Variants in PBK observed in about 807,000 individuals in gnomAD.
PBK encodes PDZ binding kinase, also known as lymphokine-activated killer T-cell-originated protein kinase.
A neutral mutation model predicts 33.5 loss-of-function variants in PBK; 22 were observed. The observed-to-expected ratio is 0.66, with a 90% CI of 0.47 to 0.94. PBK has a LOEUF of 0.94. PBK is among the 40% of genes least tolerant of loss of function. PBK has a pLI of 0.00. For synonymous variants in PBK, 129 were observed against 123.8 expected (o/e 1.04, Z -0.28); for missense variants, 376 against 383.4 (o/e 0.98, Z 0.16).
intron 1 of PBK, among the ~76,000 whole-genome samples, chr8:27,836,582 GAA>G (rs1806231713): frequency 6.6e-6 from 1 of 151,988 alleles, no homozygotes; most frequent in South Asian, 2.1e-4. Flanking sequence ...CCAAGCATGA[GAA>G]ATGAAAAACA....
At chr8:27,831,541 T>A (rs59878993) in intron 2 of PBK, among the ~76,000 whole-genome samples, 1 of 151,740 alleles carries the variant, frequency 6.6e-6, no homozygotes, top group East Asian at 1.9e-4. Flanking sequence ...TCATTGACAT[T>A]TGTAGAACAT....
At chr8:27,828,038 CTTT>C (rs1434871952) in intron 3 of PBK, 64 bp downstream of exon 3, 1 of 781,142 alleles carries the variant, frequency 1.3e-6, no homozygotes, top group Non-Finnish European at 2.2e-6. Context: ...CAGACTACTT[CTTT>C]GTCTCCAAGT....
chr8:27,816,560 TAG>T (rs1322243700), intron 6 of PBK, among the ~76,000 whole-genome samples: 1 of 151,632 alleles, frequency 6.6e-6, no homozygotes, highest in Non-Finnish European at 1.5e-5. Context: ...GTATTTTTAG[TAG>T]AGACGGGGTT....
chr8:27,811,260 T>C, intron 6 of PBK, 126 bp from the exon 7 acceptor site: 1 of 749,068 alleles, frequency 1.3e-6, no homozygotes, highest in Non-Finnish European at 2.3e-6. Context: ...CCAGAAAATG[T>C]AAAAATACAC....
At chr8:27,813,616 A>G (rs1389947925) in intron 6 of PBK, among the ~76,000 whole-genome samples, 1 of 152,196 alleles carries the variant, frequency 6.6e-6, no homozygotes, top group Non-Finnish European at 1.5e-5. Flanking sequence ...CACCTCATAT[A>G]GTTACCATTT....
intron 3 of PBK, among the ~76,000 whole-genome samples, chr8:27,825,019 T>A (rs528941803): frequency 7.9e-5 from 12 of 152,262 alleles, no homozygotes; most frequent in Non-Finnish European, 1.8e-4. Context: ...AATGGATATT[T>A]TTTAGACATA....
chr8:27,837,153 CG>C (rs1180548994), intron 1 of PBK, among the ~76,000 whole-genome samples: 1 of 151,526 alleles, frequency 6.6e-6, no homozygotes. Flanking sequence ...CTGTGGAATA[CG>C]TAAGATATTT....
At position 27,811,382 on chromosome 8, in the gene PBK, A is replaced by G. The variant is rs1805679365; in HGVS notation, c.596-248T>C. On this transcript the variant is annotated intron_variant, in intron 6 of 7. Transcript: ENST00000301905. ...AATTCTCTTACAAATTAGTAGGAAT[A>G]TAGAATGTGGATGTTGAGATTACAG... 5 of 577,636 alleles carry G rather than the reference A, an allele frequency of 8.7e-6. No homozygotes were observed. In the Admixed American group the frequency reaches 1.5e-4, roughly 17 times the overall value. 35.8% of individuals were successfully genotyped at this position (577,636 alleles called of 1,614,324 possible).
chr8:27,816,382 AATTT>A (rs1366638134), intron 6 of PBK, among the ~76,000 whole-genome samples: 1 of 39,506 alleles, frequency 2.5e-5, no homozygotes, highest in Non-Finnish European at 5.3e-5. Flanking sequence ...TATTTATTTT[AATTT>A]ATTTTTTTTT....
chr8:27,819,879 G>C (rs926826690), intron 6 of PBK, among the ~76,000 whole-genome samples: 7 of 152,026 alleles, frequency 4.6e-5, no homozygotes, highest in Admixed American at 6.5e-5. Flanking sequence ...TATAAAGTCT[G>C]TCCATTCATT....
Position 27,815,924 on chromosome 8 carries a change from T to C in PBK, c.595+4641A>G, listed in dbSNP as rs17057917. Among the ~76,000 whole-genome samples the C allele has an allele frequency of 9.9e-3, 1,508 of 152,330 alleles. 20 individuals carry two copies. Among genetic ancestry groups the C allele is most frequent in the African/African-American group, 0.034 (1,399 of 41,560 alleles). Reference sequence around the variant, plus strand: ...AAAGTTTGATGAGATCATAAACTAATGGTTCAGTCATTTCTTTTGGTTGAT... The same window carrying C: ...AAAGTTTGATGAGATCATAAACTAACGGTTCAGTCATTTCTTTTGGTTGAT... On this transcript the variant is annotated intron_variant, in intron 6 of 7. Transcript: ENST00000301905.
At position 27,837,742 on chromosome 8, in the gene PBK, G is replaced by A. The variant is rs1330773075; in HGVS notation, c.-111C>T. 3 of 152,290 alleles carry A rather than the reference G, an allele frequency of 2.0e-5. No homozygotes were observed. The highest frequency in any genetic ancestry group is 4.4e-5 in the Non-Finnish European group (3 of 68,086). The allele number at this position is 152,290 out of a possible 1,614,324, so 9.4% of individuals were successfully genotyped here. ...AAATTGGTCCCGAGCGGCCCCCAGC[G>A]AGACCCTGCAGCTGCCTCTAGCACC... On this transcript the variant is annotated 5_prime_UTR_variant, in exon 1 of 8. Transcript: ENST00000301905.
intron 5 of PBK, among the ~76,000 whole-genome samples, chr8:27,821,955 A>G (rs73572518): frequency 0.016 from 2,469 of 152,294 alleles, 60 homozygotes; most frequent in African/African-American, 0.054. Context: ...ACAACTGCCT[A>G]TAGTATTCAG....
intron 6 of PBK, among the ~76,000 whole-genome samples, chr8:27,819,584 T>C (rs1369649039): frequency 6.6e-6 from 1 of 152,110 alleles, no homozygotes; most frequent in Non-Finnish European, 1.5e-5. Context: ...AGACTATTCA[T>C]ACTTTTTATA....
intron 3 of PBK, 137 bp downstream of exon 3, chr8:27,827,968 C>T (rs10100417): frequency 0.14 from 70,871 of 498,178 alleles, 6,608 homozygotes; most frequent in East Asian, 0.34. Flanking sequence ...GTCTAGGGAC[C>T]GGAATACAGC....
chr8:27,810,653 C>T (rs968320771), intron 7 of PBK, 152 bp from the exon 8 acceptor site: 19 of 609,446 alleles, frequency 3.1e-5, no homozygotes, highest in South Asian at 2.3e-4. Flanking sequence ...AATTGTCCTG[C>T]CATCAAGTAG....
chr8:27,826,337 G>A (rs1026780620), intron 3 of PBK, among the ~76,000 whole-genome samples: 5 of 152,170 alleles, frequency 3.3e-5, no homozygotes, highest in Admixed American at 2.0e-4. Context: ...ACCGATTCAT[G>A]GGGAGCTACC....
At chr8:27,815,599 AGTATATACACGTATATGT>A (rs1805795583) in intron 6 of PBK, among the ~76,000 whole-genome samples, 2 of 152,224 alleles carry the variant, frequency 1.3e-5, no homozygotes, top group Admixed American at 1.3e-4. Context: ...TACACCGTTC[AGTATATACACGTATATGT>A]GTGTGTACAC....
At chr8:27,831,900 G>A (rs1265365409) in intron 2 of PBK, among the ~76,000 whole-genome samples, 1 of 151,970 alleles carries the variant, frequency 6.6e-6, no homozygotes, top group Non-Finnish European at 1.5e-5. Flanking sequence ...TCCAGGCCCA[G>A]ATAGCTTTAC....
Sources: gnomAD v4.1 joint callset for allele counts (sites outside exome capture counted in the v4.1 genomes callset) on GRCh38, gnomAD v4.1.1 for gene constraint, MANE v1.5 for transcripts, NCBI Gene and HGNC (gene_info 2026-07-23, HGNC 2026-07-21) for gene names.